CAMSAP1: variants seen among roughly 807,000 people sequenced by gnomAD.
CAMSAP1 encodes calmodulin-regulated spectrin-associated protein 1.
CAMSAP1 carries 58 observed loss-of-function variants against 143.5 expected under a neutral mutation model. The observed-to-expected ratio is 0.40, with a 90% CI of 0.33 to 0.50. The LOEUF is 0.50. Ranked by LOEUF, CAMSAP1 falls within the 20% of genes least tolerant of loss-of-function variation. The probability of loss-of-function intolerance (pLI) is 0.45; values close to 1 mark genes in which losing one functional copy is unlikely to be tolerated. For synonymous variants in CAMSAP1, 945 were observed against 859.3 expected, an observed-to-expected ratio of 1.10 and a Z score of -1.74; for missense variants, 1,969 against 2,115.7, an observed-to-expected ratio of 0.93 and a Z score of 1.36.
chr9:135,868,754 C>T (rs1837472153), intron 3 of CAMSAP1, among the ~76,000 whole-genome samples: 1 of 151,520 alleles, frequency 6.6e-6, no homozygotes, highest in Admixed American at 6.6e-5. Context: ...ATAGTTGGGA[C>T]TACAGGCGCC....
chr9:135,876,318 C>A (rs907868106), intron 3 of CAMSAP1, among the ~76,000 whole-genome samples: 15 of 152,204 alleles, frequency 9.9e-5, no homozygotes, highest in African/African-American at 2.9e-4. Context: ...AGAAGATCTT[C>A]ATGATACATA....
At chr9:135,836,119 G>A (rs1836024231) in intron 7 of CAMSAP1, 2 of 985,308 alleles carry the variant, frequency 2.0e-6, no homozygotes, top group Admixed American at 6.1e-5. Context: ...CCCCTCTGGG[G>A]CAGACTTCCT....
intron 5 of CAMSAP1, among the ~76,000 whole-genome samples, chr9:135,857,380 G>GCAAC (rs1837017443): frequency 6.6e-6 from 1 of 151,966 alleles, no homozygotes; most frequent in Non-Finnish European, 1.5e-5. Flanking sequence ...TCCCATCTTA[G>GCAAC]CAACCAAATA....
At chr9:135,853,163 C>T (rs549761367) in intron 5 of CAMSAP1, among the ~76,000 whole-genome samples, 3 of 152,174 alleles carry the variant, frequency 2.0e-5, no homozygotes, top group Admixed American at 1.3e-4. Flanking sequence ...CCTGAGGTGA[C>T]ACGCTGGGAG....
At chr9:135,879,172 C>A (rs1425286721) in intron 3 of CAMSAP1, among the ~76,000 whole-genome samples, 2 of 152,042 alleles carry the variant, frequency 1.3e-5, no homozygotes, top group Admixed American at 1.3e-4. Flanking sequence ...AGATCATGTC[C>A]ACAAATGAGG....
intron 11 of CAMSAP1, among the ~76,000 whole-genome samples, chr9:135,819,672 TAAA>T (rs55894826): frequency 1.6e-4 from 17 of 104,624 alleles, no homozygotes; most frequent in African/African-American, 1.2e-4. Context: ...TGTCTCCACT[TAAA>T]AAAAAAAAAA....
intron 1 of CAMSAP1, among the ~76,000 whole-genome samples, chr9:135,888,182 C>T (rs972108692): frequency 2.0e-5 from 3 of 152,240 alleles, no homozygotes; most frequent in Admixed American, 6.5e-5. Context: ...TTCCGAACAA[C>T]GAAAGGGTCT....
At chr9:135,833,498 A>C (rs1835920658) in intron 7 of CAMSAP1, among the ~76,000 whole-genome samples, 1 of 152,248 alleles carries the variant, frequency 6.6e-6, no homozygotes, top group Non-Finnish European at 1.5e-5. Flanking sequence ...CAAGCCAATG[A>C]AACAGAATTG....
At chr9:135,814,356 G>A (rs1835154237) in intron 16 of CAMSAP1, among the ~76,000 whole-genome samples, 1 of 152,222 alleles carries the variant, frequency 6.6e-6, no homozygotes, top group African/African-American at 2.4e-5. Flanking sequence ...ATGACAGATT[G>A]TTGCATAATT....
intron 7 of CAMSAP1, among the ~76,000 whole-genome samples, chr9:135,838,200 C>T (rs952066098): frequency 6.6e-6 from 1 of 151,060 alleles, no homozygotes; most frequent in Non-Finnish European, 1.5e-5. Flanking sequence ...CGTCATCACA[C>T]ACTTTCCACC....
chr9:135,891,379 G>C (rs886545274), intron 1 of CAMSAP1, among the ~76,000 whole-genome samples: 2 of 152,222 alleles, frequency 1.3e-5, no homozygotes, highest in African/African-American at 2.4e-5. Context: ...AGGAGAGCTG[G>C]AGAGGGATCC....
intron 14 of CAMSAP1, among the ~76,000 whole-genome samples, chr9:135,817,559 C>CT (rs1172665051): frequency 6.6e-6 from 1 of 151,490 alleles, no homozygotes; most frequent in East Asian, 1.9e-4. Flanking sequence ...ACCCAGCTAA[C>CT]TTTTTTTTGT....
chr9:135,842,854 G>GA (rs1236026897), intron 7 of CAMSAP1, among the ~76,000 whole-genome samples: 1 of 152,122 alleles, frequency 6.6e-6, no homozygotes, highest in East Asian at 1.9e-4. Flanking sequence ...ACATGGAAAG[G>GA]AAAAACTGGT....
chr9:135,903,633 C>A (rs1176742051), intron 1 of CAMSAP1, among the ~76,000 whole-genome samples: 1 of 152,236 alleles, frequency 6.6e-6, no homozygotes, highest in African/African-American at 2.4e-5. Context: ...GCTTTCAATG[C>A]TTTCAATCTT....
At chr9:135,855,460 A>C (rs979279140) in intron 5 of CAMSAP1, among the ~76,000 whole-genome samples, 3 of 152,100 alleles carry the variant, frequency 2.0e-5, no homozygotes, top group African/African-American at 4.8e-5. Context: ...TTACTTTAAG[A>C]AGCTGGCTGG....
In CAMSAP1 at chr9:135,820,513, A is replaced by G. The variant is rs1423963954; in HGVS notation, c.3822+326T>C. Among the ~76,000 whole-genome samples, 1 of 151,706 alleles carries G rather than the reference A, an allele frequency of 6.6e-6. No individual in the cohort carries two copies. The highest frequency in any genetic ancestry group is 1.5e-5 in the Non-Finnish European group (1 of 67,962). The stretch of plus-strand genomic sequence containing the variant: ...CGCTTTTTACGCTTTGGGGCAGGAC[A>G]GGGAGATGACAGGGTTTTGACTGGA... On this transcript the variant is annotated intron_variant, in intron 11 of 16. Coordinates refer to ENST00000389532, the MANE Select transcript of CAMSAP1 (RefSeq NM_015447.4). This position sits in a 1 kb window ranked among gnomAD's most constrained non-coding sequence, Gnocchi z 4.4.
chr9:135,856,796 G>A (rs1836995100), intron 5 of CAMSAP1, among the ~76,000 whole-genome samples: 1 of 152,240 alleles, frequency 6.6e-6, no homozygotes, highest in Admixed American at 6.5e-5. Flanking sequence ...ACTTGGCTCA[G>A]TTATTCACCT....
chr9:135,821,291 T>C lies in CAMSAP1; in HGVS notation c.3370A>G (p.Thr1124Ala), dbSNP rs767616475. Reference protein sequence around the residue: ...PQGSSRSKTPTPSVETLPHLR... With the variant: ...PQGSSRSKTPAPSVETLPHLR... The stretch of plus-strand genomic sequence containing the variant: ...TGCGGGAGCGTCTCTACACTGGGCG[T>C]TGGGGTTTTACTTCGGGAGGAGCCC... The change falls in exon 11 of 17, where the codon ACG becomes GCG. Residue 1124 changes from threonine (T) to alanine (A), a missense_variant. Coordinates refer to ENST00000389532, the MANE Select transcript of CAMSAP1 (RefSeq NM_015447.4). This position sits in a 1 kb window ranked among gnomAD's most constrained non-coding sequence, Gnocchi z 4.6. The C allele has an allele frequency of 1.6e-5, 25 of 1,611,458 alleles. No homozygotes were observed. Among genetic ancestry groups the C allele is most frequent in the African/African-American group, 4.0e-5 (3 of 74,886 alleles).
intron 7 of CAMSAP1, among the ~76,000 whole-genome samples, chr9:135,849,044 C>G (rs953629817): frequency 6.6e-6 from 1 of 152,344 alleles, no homozygotes; most frequent in Middle Eastern, 3.4e-3. Flanking sequence ...GATATATACC[C>G]GCACAGATGC....
Sources: allele counts gnomAD v4.1 joint callset (sites outside exome capture counted in the v4.1 genomes callset), GRCh38; gene constraint gnomAD v4.1.1; non-coding constraint Gnocchi (gnomAD v3.1); transcripts MANE v1.5; gene names NCBI Gene and HGNC (gene_info 2026-07-23, HGNC 2026-07-21).